The following SDK1 variants were observed in gnomAD, a reference collection of about 807,000 sequenced individuals.
SDK1 encodes the protein sidekick cell adhesion molecule 1, also known as protein sidekick-1.
Under a neutral mutation model 245.5 loss-of-function variants are expected in SDK1, and 157 were observed. The ratio of observed to expected loss-of-function variants is 0.64; its 90% CI spans 0.56 to 0.73. SDK1 has a LOEUF of 0.73. Ranked by LOEUF, SDK1 falls within the 30% of genes least tolerant of loss-of-function variation. SDK1 has a pLI of 0.00. For missense variants in SDK1, 3,583 were observed against 3,002.3 expected, an observed-to-expected ratio of 1.19 and a Z score of -4.52; for synonymous variants, 1,647 against 1,278.5, an observed-to-expected ratio of 1.29 and a Z score of -6.15.
intron 1 of SDK1, among the ~76,000 whole-genome samples, chr7:3,566,976 C>T (rs923642614): frequency 6.6e-6 from 1 of 151,776 alleles, no homozygotes; most frequent in Non-Finnish European, 1.5e-5. Flanking sequence ...GGAGTGTAGA[C>T]TTGGCACCTA....
intron 34 of SDK1, among the ~76,000 whole-genome samples, chr7:4,177,374 T>G (rs1782279846): frequency 6.6e-6 from 1 of 152,134 alleles, no homozygotes; most frequent in African/African-American, 2.4e-5. Context: ...TGTTTTGGCT[T>G]AAAGGTCAAT....
chr7:3,551,376 C>T (rs148078092), intron 1 of SDK1, among the ~76,000 whole-genome samples: 1 of 152,194 alleles, frequency 6.6e-6, no homozygotes, highest in East Asian at 1.9e-4. Flanking sequence ...CAAGATTATC[C>T]TGGTAAAGTT....
intron 1 of SDK1, among the ~76,000 whole-genome samples, chr7:3,303,552 T>C (rs1451390516): frequency 4.4e-5 from 6 of 136,008 alleles, no homozygotes; most frequent in East Asian, 2.0e-4. Context: ...TTTAAAAATA[T>C]ATTAAGGCAA....
intron 5 of SDK1, among the ~76,000 whole-genome samples, chr7:3,884,639 C>G (rs1353780559): frequency 1.3e-5 from 2 of 152,200 alleles, no homozygotes; most frequent in Non-Finnish European, 2.9e-5. Context: ...GTGCTGGGAA[C>G]ACACTCACTG....
intron 42 of SDK1, among the ~76,000 whole-genome samples, chr7:4,240,413 C>A (rs1786445814): frequency 6.6e-6 from 1 of 152,140 alleles, no homozygotes. Context: ...CACTCCTTAT[C>A]CTCCCATCCT....
chr7:3,934,699 C>T (rs188258404), intron 5 of SDK1, among the ~76,000 whole-genome samples: 197 of 152,344 alleles, frequency 1.3e-3, no homozygotes, highest in Non-Finnish European at 5.7e-4. Context: ...CCGATAAGCA[C>T]GTGTCCAAAT....
chr7:3,435,321 C>CCTTTTTTTTTTT (rs1779988242), intron 1 of SDK1, among the ~76,000 whole-genome samples: 1 of 56,876 alleles, frequency 1.8e-5, no homozygotes, highest in Non-Finnish European at 2.9e-5. Flanking sequence ...AGGGGACTGC[C>CCTTTTTTTTTTT]TTTTTTTTTT....
Position 4,067,923 on chromosome 7 carries a change from T to C in SDK1, c.2997T>C (p.Asn999=). The C allele has an allele frequency of 6.2e-7, 1 of 1,610,940 alleles. No individual in the cohort carries two copies. The highest frequency in any genetic ancestry group is 8.5e-7 in the Non-Finnish European group (1 of 1,178,164). Residue 999 remains asparagine, a synonymous_variant, in exon 20 of 45, where the codon AAT becomes AAC. Transcript: ENST00000404826. ...GCTGGCAGGAGCCCCTGGAGAAAAATGGCATCATTACTGGTAAGTAGGCCT... is the reference window on the plus strand; with the variant it reads ...GCTGGCAGGAGCCCCTGGAGAAAAACGGCATCATTACTGGTAAGTAGGCCT... The part of the protein sequence containing the change: ...KVSWQEPLEK[N]GIITGYQISW...
chr7:4,167,710 C>A (rs1338684924), intron 32 of SDK1, among the ~76,000 whole-genome samples: 1 of 152,260 alleles, frequency 6.6e-6, no homozygotes, highest in African/African-American at 2.4e-5. Context: ...CCGAACATGG[C>A]CTGCCCCTGG....
chr7:4,096,523 T>C (rs1206242562), intron 22 of SDK1, among the ~76,000 whole-genome samples: 2 of 152,150 alleles, frequency 1.3e-5, no homozygotes, highest in Non-Finnish European at 2.9e-5. Flanking sequence ...CTCAGTTTCT[T>C]CATCATAAAA....
At chr7:4,192,181 G>A (rs1783248484) in intron 35 of SDK1, among the ~76,000 whole-genome samples, 1 of 152,244 alleles carries the variant, frequency 6.6e-6, no homozygotes, top group Admixed American at 6.5e-5. Flanking sequence ...ACAGATGGAA[G>A]GTTTGGGGCA....
chr7:3,642,062 A>G lies in SDK1; in HGVS notation c.670A>G (p.Thr224Ala). 6.2e-7 allele frequency: 1 copy of G among 1,614,174 alleles called. No homozygotes were observed. The highest frequency in any genetic ancestry group is 1.7e-5 in the Admixed American group (1 of 60,026). Residue 224 changes from threonine (T) to alanine (A), a missense_variant, in exon 4 of 45, where the codon ACT (threonine) becomes GCT (alanine). By Grantham distance (58) the Thr-to-Ala change is moderately conservative (BLOSUM62 0). Coordinates refer to ENST00000404826, the MANE Select transcript of SDK1 (RefSeq NM_152744.4). ...CACCAGCTACCCCAGACCTCAAGTG[A>G]CTTGGTTTAGAGAAGGGCACAAGAT... ...PITSYPRPQV[T>A]WFREGHKIIP...
intron 1 of SDK1, among the ~76,000 whole-genome samples, chr7:3,411,127 C>G (rs1357330210): frequency 6.6e-6 from 1 of 152,092 alleles, no homozygotes; most frequent in African/African-American, 2.4e-5. Flanking sequence ...TATTTGAGCT[C>G]CTGCGGAAGA....
intron 28 of SDK1, among the ~76,000 whole-genome samples, chr7:4,143,033 C>T (rs1779682409): frequency 6.6e-6 from 1 of 152,140 alleles, no homozygotes; most frequent in South Asian, 2.1e-4. Context: ...AACTCCGACC[C>T]AGGGAGTCCT....
intron 19 of SDK1, among the ~76,000 whole-genome samples, chr7:4,058,196 G>A (rs1779316172): frequency 6.6e-6 from 1 of 151,996 alleles, no homozygotes; most frequent in East Asian, 1.9e-4. Context: ...TTACCAAAGA[G>A]ATAAATATTA....
chr7:3,673,588 A>G (rs1319271616), intron 4 of SDK1, among the ~76,000 whole-genome samples: 1 of 152,222 alleles, frequency 6.6e-6, no homozygotes, highest in Non-Finnish European at 1.5e-5. Context: ...ATGCCTTGGT[A>G]TAGACTTACC....
At chr7:3,637,086 C>CGCGTGT (rs1052777325) in intron 2 of SDK1, among the ~76,000 whole-genome samples, 11 of 148,354 alleles carry the variant, frequency 7.4e-5, no homozygotes, top group Non-Finnish European at 1.0e-4. Context: ...TGCGTGCGCG[C>CGCGTGT]GTGTGTGTGT....
At chr7:4,089,086 C>T (rs770162497) in intron 22 of SDK1, among the ~76,000 whole-genome samples, 15 of 138,808 alleles carry the variant, frequency 1.1e-4, no homozygotes, top group Non-Finnish European at 1.6e-4. Flanking sequence ...CTCCCTCAGG[C>T]GGAGGTAAGA....
At chr7:3,361,319 A>G (rs1024624888) in intron 1 of SDK1, among the ~76,000 whole-genome samples, 2 of 152,222 alleles carry the variant, frequency 1.3e-5, no homozygotes, top group Non-Finnish European at 2.9e-5. Flanking sequence ...TTAAACACTT[A>G]TGGTGAGAAC....
Sources: allele counts gnomAD v4.1 joint callset (sites outside exome capture counted in the v4.1 genomes callset), GRCh38; gene constraint gnomAD v4.1.1; transcripts MANE v1.5; gene names NCBI Gene and HGNC (gene_info 2026-07-23, HGNC 2026-07-21).